SPATA9: variants seen among roughly 807,000 people sequenced by gnomAD.
SPATA9 encodes spermatogenesis-associated protein 9.
In SPATA9, 27 loss-of-function variants were observed where a neutral mutation model predicts 25.5. The observed-to-expected ratio is 1.06, with a 90% CI of 0.78 to 1.46. The LOEUF (loss-of-function observed/expected upper bound fraction) is 1.46, where lower values mean the gene tolerates loss of function less well. Among genes scored for constraint, SPATA9 ranks in the 40% most tolerant of loss-of-function variants. The pLI is 0.00. For synonymous variants in SPATA9, 102 were observed against 105.7 expected, an observed-to-expected ratio of 0.97 and a Z score of 0.21; for missense variants, 282 against 297.5, an observed-to-expected ratio of 0.95 and a Z score of 0.38.
the SPATA9 span, among the ~76,000 whole-genome samples, chr5:95,723,106 C>T: frequency 6.6e-6 from 1 of 152,060 alleles, no homozygotes; most frequent in Non-Finnish European, 1.5e-5. Context: ...CAGGGCTTCC[C>T]TGGGCCACAC....
chr5:95,654,167 G>T (rs1261015671), downstream of SPATA9: 5 of 1,612,424 alleles, frequency 3.1e-6, no homozygotes, highest in Non-Finnish European at 4.2e-6. Context: ...GACAGCTGTT[G>T]TCCATGATAG....
chr5:95,703,993 A>G, the SPATA9 span, among the ~76,000 whole-genome samples: 6 of 152,138 alleles, frequency 3.9e-5, no homozygotes, highest in African/African-American at 1.4e-4. Flanking sequence ...CAACAGACAC[A>G]CAAACACTGA....
At chr5:95,716,763 C>A in the SPATA9 span, among the ~76,000 whole-genome samples, 2 of 152,174 alleles carry the variant, frequency 1.3e-5, no homozygotes, top group African/African-American at 4.8e-5. Flanking sequence ...CGAATTGCAG[C>A]TCCCATAATC....
At chr5:95,653,190 T>C in exon 9 of SPATA9, 1 of 1,551,738 alleles carries the variant, frequency 6.4e-7, no homozygotes, top group South Asian at 1.2e-5. Context: ...TCAGCTGTCA[T>C]CTCAGTGACC....
At chr5:95,689,676 A>G (rs1753835389) in intron 1 of SPATA9, among the ~76,000 whole-genome samples, 1 of 152,172 alleles carries the variant, frequency 6.6e-6, no homozygotes. Context: ...TAATAATGTT[A>G]GGAATAAAAA....
At chr5:95,702,333 T>C (rs116813718), upstream of SPATA9, among the ~76,000 whole-genome samples, 1,450 of 152,322 alleles carry the variant, frequency 9.5e-3, 22 homozygotes, top group African/African-American at 0.033. Flanking sequence ...ACGTATCTGA[T>C]TTGGAAATAT....
chr5:95,663,160 C>G (rs1373910310), intron 4 of SPATA9, among the ~76,000 whole-genome samples: 1 of 152,116 alleles, frequency 6.6e-6, no homozygotes, highest in African/African-American at 2.4e-5. Context: ...AATGTTGATA[C>G]AGTCAATCAG....
rs923459668 is a variant in SPATA9, at chr5:95,663,882, T to G, written c.474+71A>C. 6.5e-6 allele frequency: 5 copies of G among 771,444 alleles called. No individual in the cohort carries two copies. In the Admixed American group the frequency reaches 1.5e-4, roughly 23 times the overall value. 47.8% of individuals were successfully genotyped at this position (771,444 alleles called of 1,614,324 possible). On this transcript the variant is annotated intron_variant, in intron 4 of 4. Transcript: ENST00000274432. ...CATTAAATATTGTACAGTATACTATTGCACAGTATTATTAACATTACACAA... is the reference window on the plus strand; with the variant it reads ...CATTAAATATTGTACAGTATACTATGGCACAGTATTATTAACATTACACAA...
the SPATA9 span, among the ~76,000 whole-genome samples, chr5:95,721,655 G>C: frequency 6.7e-6 from 1 of 148,412 alleles, no homozygotes; most frequent in Non-Finnish European, 1.5e-5. Context: ...AATATTTAAG[G>C]AGCTCTAAAG....
At chr5:95,680,505 G>A (rs1402738319) in intron 2 of SPATA9, among the ~76,000 whole-genome samples, 1 of 151,986 alleles carries the variant, frequency 6.6e-6, no homozygotes, top group East Asian at 1.9e-4. Context: ...CACTTCAATG[G>A]CTTTCATAGA....
chr5:95,700,933 G>T (rs891796918), upstream of SPATA9, among the ~76,000 whole-genome samples: 1 of 151,902 alleles, frequency 6.6e-6, no homozygotes, highest in Non-Finnish European at 1.5e-5. Context: ...TATCACTTCA[G>T]TTACTTAGAT....
chr5:95,684,493 T>A (rs3806894), upstream of SPATA9: 19,093 of 152,216 alleles, frequency 0.13, 1,277 homozygotes, highest in Middle Eastern at 0.22. Context: ...AATTAACAAA[T>A]CTAGAGGAAA....
chr5:95,709,076 C>G, the SPATA9 span, among the ~76,000 whole-genome samples: 4 of 152,074 alleles, frequency 2.6e-5, no homozygotes, highest in Non-Finnish European at 4.4e-5. Flanking sequence ...CCGTTGGCAT[C>G]GTGAGGATGA....
chr5:95,721,714 A>G, the SPATA9 span, among the ~76,000 whole-genome samples: 1 of 151,326 alleles, frequency 6.6e-6, no homozygotes, highest in Non-Finnish European at 1.5e-5. Flanking sequence ...AAAAAGGAAC[A>G]TGAAGATCAG....
the SPATA9 span, among the ~76,000 whole-genome samples, chr5:95,707,997 CA>C: frequency 6.6e-6 from 1 of 152,078 alleles, no homozygotes; most frequent in Non-Finnish European, 1.5e-5. Context: ...CATTGTTTTA[CA>C]AAATTAAGAA....
intron 1 of SPATA9, among the ~76,000 whole-genome samples, chr5:95,689,666 T>C (rs1262710550): frequency 6.6e-6 from 1 of 152,138 alleles, no homozygotes. Flanking sequence ...ATTATTGGGT[T>C]AATAATGTTA....
chr5:95,690,644 T>G (rs189573515), intron 1 of SPATA9, among the ~76,000 whole-genome samples: 1 of 152,242 alleles, frequency 6.6e-6, no homozygotes, highest in Non-Finnish European at 1.5e-5. Context: ...AAACAGATAT[T>G]ATGGGTTTCC....
upstream of SPATA9, among the ~76,000 whole-genome samples, chr5:95,701,001 AC>A (rs1032376457): frequency 2.5e-4 from 38 of 152,274 alleles, no homozygotes; most frequent in African/African-American, 8.4e-4. Context: ...GTTTACTGAT[AC>A]TCCCTAATGT....
chr5:95,730,959 C>T, the SPATA9 span: 1 of 505,644 alleles, frequency 2.0e-6, no homozygotes, highest in Non-Finnish European at 3.7e-6. Flanking sequence ...GGCACTCGGG[C>T]TGGAATCCCT....
Sources: gnomAD v4.1 joint callset for allele counts (sites outside exome capture counted in the v4.1 genomes callset) on GRCh38, gnomAD v4.1.1 for gene constraint, MANE v1.5 for transcripts, NCBI Gene and HGNC (gene_info 2026-07-23, HGNC 2026-07-21) for gene names.